ATG10: variants seen among roughly 807,000 people sequenced by gnomAD.
ATG10 encodes the protein autophagy related 10, also known as ubiquitin-like-conjugating enzyme ATG10.
In ATG10, 30 loss-of-function variants were observed where a neutral mutation model predicts 32.1. That is an observed-to-expected ratio of 0.94 (90% CI 0.70 to 1.27). The LOEUF (loss-of-function observed/expected upper bound fraction) is 1.27, where lower values mean the gene tolerates loss of function less well. Among genes scored for constraint, ATG10 ranks in the 50% most tolerant of loss-of-function variants. The pLI is 0.00. For synonymous variants in ATG10, 87 were observed against 91.5 expected, an observed-to-expected ratio of 0.95 and a Z score of 0.28; for missense variants, 233 against 262.3, an observed-to-expected ratio of 0.89 and a Z score of 0.77.
intron 5 of ATG10, among the ~76,000 whole-genome samples, chr5:82,211,830 CCACATCTCAACTTTCT>C (rs1479428133): frequency 1.3e-5 from 2 of 152,230 alleles, no homozygotes; most frequent in Non-Finnish European, 2.9e-5. Context: ...GTTACCACCT[CCACATCTCAACTTTCT>C]CACATCTCTC....
chr5:82,019,548 A>G (rs1407963228), intron 2 of ATG10, among the ~76,000 whole-genome samples: 2 of 152,174 alleles, frequency 1.3e-5, no homozygotes, highest in African/African-American at 4.8e-5. Flanking sequence ...GCCCTGGGGA[A>G]CCATTCCTGA....
intron 5 of ATG10, among the ~76,000 whole-genome samples, chr5:82,245,083 C>T (rs1169521536): frequency 1.3e-5 from 2 of 152,292 alleles, no homozygotes; most frequent in East Asian, 1.9e-4. Flanking sequence ...CATGAATTTA[C>T]CTCCTGAATC....
At chr5:82,104,018 AT>A (rs1173590948) in intron 3 of ATG10, among the ~76,000 whole-genome samples, 17 of 151,944 alleles carry the variant, frequency 1.1e-4, no homozygotes, top group African/African-American at 4.1e-4. Flanking sequence ...GCATGTAGTT[AT>A]TTGCTCATTC....
intron 3 of ATG10, among the ~76,000 whole-genome samples, chr5:82,074,676 A>G (rs1764220727): frequency 6.6e-6 from 1 of 152,176 alleles, no homozygotes; most frequent in Admixed American, 6.6e-5. Flanking sequence ...TCTCCACGGT[A>G]CCTAATCTCT....
At position 82,064,139 on chromosome 5, in the gene ATG10, ATAAT is replaced by A. The variant is rs547430597; in HGVS notation, c.216+5542_216+5545del. On this transcript the variant is annotated intron_variant, in intron 3 of 7. Coordinates refer to ENST00000282185, the MANE Select transcript of ATG10 (RefSeq NM_031482.5). ...ATGAAAAATTATTGGTAGTTTTGTG[ATAAT>A]TAATAAGTTTTATAATCTTGTAAGC... is the stretch of plus-strand genomic sequence containing the variant. Among the ~76,000 whole-genome samples, 13 of 152,332 alleles carry A rather than the reference ATAAT, an allele frequency of 8.5e-5. No homozygotes were observed. In the South Asian group the frequency reaches 2.5e-3, roughly 29 times the overall value.
chr5:82,246,848 T>C (rs546908414), intron 5 of ATG10, among the ~76,000 whole-genome samples: 2 of 152,296 alleles, frequency 1.3e-5, no homozygotes, highest in Admixed American at 1.3e-4. Context: ...GCAAATCTGC[T>C]AGCAAGGAAT....
Position 82,054,306 on chromosome 5 carries a change from A to G in ATG10, c.109-4189A>G, listed in dbSNP as rs1195616630. Among the ~76,000 whole-genome samples, 9 of 152,314 alleles carry G rather than the reference A, an allele frequency of 5.9e-5. No homozygotes were observed. The South Asian group carries it at 1.9e-3, about 32-fold the overall frequency. ...CAGTACATGCCTCAGTGCTTCCAAAATGTGCATACATATCACCTGGGGATT... is the reference window on the plus strand; with the variant it reads ...CAGTACATGCCTCAGTGCTTCCAAAGTGTGCATACATATCACCTGGGGATT... On this transcript the variant is annotated intron_variant, in intron 2 of 7. Transcript: ENST00000282185.
intron 3 of ATG10, among the ~76,000 whole-genome samples, chr5:82,140,124 G>A (rs1767023250): frequency 8.1e-6 from 1 of 123,964 alleles, no homozygotes; most frequent in Non-Finnish European, 1.7e-5. Flanking sequence ...GGGCGCCTCT[G>A]CCCGGCCGCC....
chr5:82,104,670 T>C (rs781261910), intron 3 of ATG10, among the ~76,000 whole-genome samples: 5 of 152,220 alleles, frequency 3.3e-5, no homozygotes, highest in South Asian at 2.1e-4. Flanking sequence ...TAAAACTCAA[T>C]AGTTTTTTCT....
At chr5:82,084,119 G>T (rs1341348066) in intron 3 of ATG10, among the ~76,000 whole-genome samples, 2 of 152,168 alleles carry the variant, frequency 1.3e-5, no homozygotes, top group Non-Finnish European at 2.9e-5. Flanking sequence ...AGAATAAACA[G>T]TGTAGAGAAA....
At chr5:82,187,602 G>A (rs1744493380) in intron 5 of ATG10, among the ~76,000 whole-genome samples, 3 of 149,606 alleles carry the variant, frequency 2.0e-5, no homozygotes, top group Admixed American at 2.0e-4. Flanking sequence ...TTTTGAAACT[G>A]TGTTTCGCTC....
intron 2 of ATG10, among the ~76,000 whole-genome samples, chr5:82,056,713 G>A (rs1308307378): frequency 6.6e-6 from 1 of 152,156 alleles, no homozygotes; most frequent in African/African-American, 2.4e-5. Context: ...GCTGTAATTA[G>A]TGTAACAGTA....
chr5:82,127,681 G>C (rs924931659), intron 3 of ATG10, among the ~76,000 whole-genome samples: 1 of 152,118 alleles, frequency 6.6e-6, no homozygotes, highest in African/African-American at 2.4e-5. Context: ...TGCATTTGCT[G>C]AGGAGTATTT....
At chr5:82,123,764 C>CAA (rs1178883742) in intron 3 of ATG10, among the ~76,000 whole-genome samples, 17,242 of 56,624 alleles carry the variant, frequency 0.3, 2,218 homozygotes, top group Middle Eastern at 0.39. Context: ...ACTGTCTGTA[C>CAA]AAAAAAAAAA....
intron 3 of ATG10, among the ~76,000 whole-genome samples, chr5:82,138,990 TCG>T (rs1175556063): frequency 6.6e-6 from 1 of 150,668 alleles, no homozygotes; most frequent in Non-Finnish European, 1.5e-5. Context: ...ATGCCTGCGA[TCG>T]CAGGCACGCG....
chr5:81,986,293 G>T (rs1436141867), intron 1 of ATG10, among the ~76,000 whole-genome samples: 1 of 152,216 alleles, frequency 6.6e-6, no homozygotes, highest in Non-Finnish European at 1.5e-5. Flanking sequence ...GTTAACTGAT[G>T]GGAGCAGAGG....
At chr5:82,044,919 C>A (rs953479353) in intron 2 of ATG10, among the ~76,000 whole-genome samples, 2 of 152,150 alleles carry the variant, frequency 1.3e-5, no homozygotes, top group African/African-American at 4.8e-5. Flanking sequence ...AGAATTATTT[C>A]TTTCAGTGCC....
chr5:81,983,732 T>C lies in ATG10; in HGVS notation c.-12-3827T>C, dbSNP rs1247801966. 4.2e-3 allele frequency among the ~76,000 whole-genome samples: 587 copies of C among 141,340 alleles called. 13 individuals are homozygous for C. The highest frequency in any genetic ancestry group is 0.016 in the African/African-American group (561 of 35,834). 92.7% of individuals were successfully genotyped at this position (141,340 alleles called of 152,430 possible). A position where few individuals can be genotyped will look rare whatever the true frequency, so the allele number is the denominator to read the frequency against. ...GGGGTGGCTGCCGGGCGTAGGGGCT[T>C]CTCACTTCTCAGACAGGGCGGCTGC... On this transcript the variant is annotated intron_variant, in intron 1 of 7. Coordinates refer to ENST00000282185, the MANE Select transcript of ATG10 (RefSeq NM_031482.5).
At chr5:82,148,820 G>A (rs889022084) in intron 3 of ATG10, among the ~76,000 whole-genome samples, 2 of 152,020 alleles carry the variant, frequency 1.3e-5, no homozygotes, top group African/African-American at 4.8e-5. Flanking sequence ...TGGTCTGCTG[G>A]AAGCTTTCCT....
Sources: gnomAD v4.1 joint callset for allele counts (sites outside exome capture counted in the v4.1 genomes callset) on GRCh38, gnomAD v4.1.1 for gene constraint, MANE v1.5 for transcripts, NCBI Gene and HGNC (gene_info 2026-07-23, HGNC 2026-07-21) for gene names.